Variants in TMPRSS11F observed in about 807,000 individuals in gnomAD.
TMPRSS11F encodes transmembrane protease serine 11F.
Under a neutral mutation model 60.2 loss-of-function variants are expected in TMPRSS11F, and 47 were observed. That is an observed-to-expected ratio of 0.78 (90% CI 0.62 to 1.00). The LOEUF (loss-of-function observed/expected upper bound fraction) is 1.00, where lower values mean the gene tolerates loss of function less well. TMPRSS11F is among the 50% of genes least tolerant of loss of function. The pLI, the probability that TMPRSS11F is intolerant of heterozygous loss-of-function variation, is 0.00. For missense variants in TMPRSS11F, 519 were observed against 522.9 expected (o/e 0.99, Z 0.07); for synonymous variants, 166 against 167.3 (o/e 0.99, Z 0.06).
At chr4:68,068,312 A>G (rs898373820) in intron 7 of TMPRSS11F, among the ~76,000 whole-genome samples, 1 of 152,168 alleles carries the variant, frequency 6.6e-6, no homozygotes, top group Non-Finnish European at 1.5e-5. Context: ...TGTAAAAGAG[A>G]TTAAACTTGT....
intron 1 of TMPRSS11F, among the ~76,000 whole-genome samples, chr4:68,102,663 G>T (rs1433984879): frequency 1.3e-5 from 2 of 152,088 alleles, no homozygotes; most frequent in East Asian, 3.9e-4. Flanking sequence ...TTTTAATCAG[G>T]TTATTTTTCC....
intron 1 of TMPRSS11F, among the ~76,000 whole-genome samples, chr4:68,114,388 C>T (rs1342707183): frequency 6.6e-6 from 1 of 151,776 alleles, no homozygotes; most frequent in South Asian, 2.1e-4. Context: ...AAAGATATTA[C>T]CATAGACCTA....
chr4:68,075,690 G>T (rs775381670), intron 3 of TMPRSS11F, among the ~76,000 whole-genome samples: 1 of 152,104 alleles, frequency 6.6e-6, no homozygotes, highest in Non-Finnish European at 1.5e-5. Flanking sequence ...GAAGAAGAAA[G>T]ATATTCAACA....
chr4:68,059,044 C>G (rs548325963), intron 9 of TMPRSS11F, among the ~76,000 whole-genome samples: 67 of 151,668 alleles, frequency 4.4e-4, no homozygotes, highest in African/African-American at 1.5e-3. Flanking sequence ...ATGTGAGGGG[C>G]GAAGGGAAAT....
chr4:68,129,783 C>A (rs781004856), intron 1 of TMPRSS11F, 27 bp downstream of exon 1: 5 of 1,611,550 alleles, frequency 3.1e-6, no homozygotes, highest in South Asian at 1.1e-5. Context: ...CACTGATAAC[C>A]TTTACTGAGA....
chr4:68,062,941 G>A (rs1723225357), intron 8 of TMPRSS11F: 6 of 781,174 alleles, frequency 7.7e-6, no homozygotes, highest in African/African-American at 1.7e-5. Flanking sequence ...TATAAAGCAG[G>A]CTAATGAGAA....
chr4:68,097,475 C>A (rs1302739000), intron 2 of TMPRSS11F, among the ~76,000 whole-genome samples: 1 of 152,094 alleles, frequency 6.6e-6, no homozygotes, highest in Non-Finnish European at 1.5e-5. Context: ...AGGACCCTTG[C>A]AGTTATATTT....
intron 2 of TMPRSS11F, among the ~76,000 whole-genome samples, chr4:68,094,527 T>C (rs897813224): frequency 1.0e-4 from 15 of 149,996 alleles, no homozygotes; most frequent in South Asian, 4.2e-4. Context: ...TGTGAACATG[T>C]ACCCTAAAAC....
rs930646046 is a variant in TMPRSS11F at position 68,128,403 on chromosome 4, C to T, written c.11+1407G>A. ...AATAGTGCTATGTACCCCATAAATA[C>T]GTAGAATTATTATATGTCAACTTAA... is the stretch of plus-strand genomic sequence containing the variant. On this transcript the variant is annotated intron_variant, in intron 1 of 9. Coordinates refer to ENST00000356291, the MANE Select transcript of TMPRSS11F (RefSeq NM_207407.2). Among the ~76,000 whole-genome samples the T allele has an allele frequency of 7.9e-5, 12 of 152,094 alleles. 1 individual carries two copies. Among genetic ancestry groups the T allele is most frequent in the Admixed American group, 5.9e-4 (9 of 15,276 alleles).
chr4:68,065,193 CT>C (rs1262082125), intron 7 of TMPRSS11F, among the ~76,000 whole-genome samples: 1 of 152,020 alleles, frequency 6.6e-6, no homozygotes, highest in Non-Finnish European at 1.5e-5. Context: ...TCTTCAGGTT[CT>C]TTTTTCCTTA....
chr4:68,100,491 G>A lies in TMPRSS11F; in HGVS notation c.12-1453C>T, dbSNP rs372596710. 2.0e-5 allele frequency among the ~76,000 whole-genome samples: 3 copies of A among 152,212 alleles called. No homozygotes were observed. The South Asian group carries it at 6.2e-4, about 32-fold the overall frequency. On this transcript the variant is annotated intron_variant, in intron 1 of 9. Transcript: ENST00000356291. Reference sequence around the variant, plus strand: ...CTGAGGCTATGGAATGGGGTGGAGAGGAGGCGATGGATTTAGTTGTAGTTC... The same window carrying A: ...CTGAGGCTATGGAATGGGGTGGAGAAGAGGCGATGGATTTAGTTGTAGTTC...
chr4:68,074,160 G>T, intron 3 of TMPRSS11F, 151 bp from the exon 4 acceptor site: 1 of 513,142 alleles, frequency 1.9e-6, no homozygotes, highest in Non-Finnish European at 3.4e-6. Flanking sequence ...AAGATTTTCA[G>T]CTTATTCCCA....
At chr4:68,112,893 C>T (rs906063434) in intron 1 of TMPRSS11F, among the ~76,000 whole-genome samples, 7 of 152,092 alleles carry the variant, frequency 4.6e-5, no homozygotes, top group African/African-American at 1.7e-4. Context: ...TTCCAGAGTT[C>T]CTAAATATGT....
chr4:68,122,986 G>T (rs562044947), intron 1 of TMPRSS11F, among the ~76,000 whole-genome samples: 2 of 152,138 alleles, frequency 1.3e-5, no homozygotes, highest in Non-Finnish European at 2.9e-5. Context: ...CCTTGATAAT[G>T]AACTGCAAGT....
chr4:68,129,732 C>T, intron 1 of TMPRSS11F, 78 bp downstream of exon 1: 1 of 1,339,068 alleles, frequency 7.5e-7, no homozygotes, highest in South Asian at 1.2e-5. Context: ...CACCAGCCAA[C>T]ATCTGTACTA....
chr4:68,060,272 C>T (rs188323860), intron 8 of TMPRSS11F, among the ~76,000 whole-genome samples: 1,709 of 150,530 alleles, frequency 0.011, 15 homozygotes, highest in African/African-American at 0.014. Flanking sequence ...CTTTGGGAAG[C>T]GGAGGCGGGC....
chr4:68,084,047 A>C (rs1056327846), intron 3 of TMPRSS11F, among the ~76,000 whole-genome samples: 34 of 152,212 alleles, frequency 2.2e-4, no homozygotes, highest in Non-Finnish European at 4.0e-4. Flanking sequence ...GAACAACAGA[A>C]TAGACCAAGC....
In TMPRSS11F at chr4:68,064,849, T is replaced by C. The variant is rs2109836381; in HGVS notation, c.851A>G (p.Asn284Ser). ...RNVRKIILHE[N>S]YHRETNENDI... ...ATTTTCATTTGTTTCTCTATGGTAA[T>C]TCTCATGAAGAATAATTTTCCTCAC... is the stretch of plus-strand genomic sequence containing the variant. Residue 284 changes from asparagine (N) to serine (S), a missense_variant, in exon 8 of 10, where the codon AAT becomes AGT. Physicochemically the swap from Asn to Ser is conservative, Grantham distance 46. Transcript: ENST00000356291. 3.1e-6 allele frequency: 5 copies of C among 1,614,170 alleles called. No homozygotes were observed. Among genetic ancestry groups the C allele is most frequent in the Non-Finnish European group, 3.4e-6 (4 of 1,180,016 alleles).
At chr4:68,116,811 C>T (rs1248462158) in intron 1 of TMPRSS11F, among the ~76,000 whole-genome samples, 2 of 151,964 alleles carry the variant, frequency 1.3e-5, no homozygotes, top group Non-Finnish European at 2.9e-5. Flanking sequence ...TAAAATTGGG[C>T]CCTATTTCAC....
Sources: gnomAD v4.1 joint callset for allele counts (sites outside exome capture counted in the v4.1 genomes callset) on GRCh38, gnomAD v4.1.1 for gene constraint, MANE v1.5 for transcripts, NCBI Gene and HGNC (gene_info 2026-07-23, HGNC 2026-07-21) for gene names.